The following SAMSN1 variants were observed in gnomAD, a reference collection of about 807,000 sequenced individuals.
SAMSN1 encodes the protein SAM domain, SH3 domain and nuclear localization signals 1, also known as SAM domain-containing protein SAMSN-1.
Under a neutral mutation model 42.0 loss-of-function variants are expected in SAMSN1, and 31 were observed. The ratio of observed to expected loss-of-function variants is 0.74; its 90% CI spans 0.55 to 1.00. The LOEUF is 1.00. SAMSN1 is among the 50% of genes least tolerant of loss of function. SAMSN1 has a pLI of 0.00. For synonymous variants in SAMSN1, 178 were observed against 151.9 expected (o/e 1.17, Z -1.26); for missense variants, 464 against 439.4 (o/e 1.06, Z -0.50).
At chr21:14,560,819 T>G (rs1446802298) in intron 2 of SAMSN1, among the ~76,000 whole-genome samples, 1 of 152,208 alleles carries the variant, frequency 6.6e-6, no homozygotes, top group African/African-American at 2.4e-5. Flanking sequence ...TACATTCAGC[T>G]CTACGCTATT....
In SAMSN1 at chr21:14,560,661, T is replaced by C. The variant is rs149866813; in HGVS notation, c.261+21475A>G. Among the ~76,000 whole-genome samples, 265 of 152,276 alleles carry C rather than the reference T, an allele frequency of 1.7e-3. 3 individuals carry two copies. The highest frequency in any genetic ancestry group is 6.3e-3 in the African/African-American group (260 of 41,546). The stretch of plus-strand genomic sequence containing the variant: ...GAAATTTTGAAAACTGGAAGAAAGG[T>C]ATATCTCTCTATTTCCCATCTCTAC... On this transcript the variant is annotated intron_variant, in intron 2 of 8. Coordinates refer to the SAMSN1 transcript ENST00000285670.
At chr21:14,598,707 A>C (rs1403373651) in intron 6 of SAMSN1, among the ~76,000 whole-genome samples, 2 of 152,150 alleles carry the variant, frequency 1.3e-5, no homozygotes, top group African/African-American at 2.4e-5. Context: ...TGAAGGAAAC[A>C]TGTTTGCTTA....
chr21:14,581,176 A>G (rs1459180079), intron 2 of SAMSN1, among the ~76,000 whole-genome samples: 2 of 151,840 alleles, frequency 1.3e-5, no homozygotes, highest in Non-Finnish European at 2.9e-5. Context: ...CTGCCCTCGT[A>G]TATGGAAAAC....
At chr21:14,507,672 C>T (rs148964018) in intron 5 of SAMSN1, among the ~76,000 whole-genome samples, 17 of 152,170 alleles carry the variant, frequency 1.1e-4, no homozygotes, top group African/African-American at 3.6e-4. Context: ...ATACCACCAT[C>T]GTTCTTCACA....
intron 5 of SAMSN1, among the ~76,000 whole-genome samples, chr21:14,508,738 A>G (rs56084607): frequency 0.042 from 6,462 of 152,292 alleles, 443 homozygotes; most frequent in African/African-American, 0.15. Flanking sequence ...GTCATTATAC[A>G]AAAAAGATAC....
chr21:14,605,820 ATTT>A (rs1481230072), intron 5 of SAMSN1, among the ~76,000 whole-genome samples: 1 of 144,354 alleles, frequency 6.9e-6, no homozygotes, highest in Non-Finnish European at 1.5e-5. Context: ...TTATTTATTT[ATTT>A]ATTTATTTAT....
At chr21:14,503,291 A>C (rs1264661932) in intron 5 of SAMSN1, among the ~76,000 whole-genome samples, 1 of 152,194 alleles carries the variant, frequency 6.6e-6, no homozygotes, top group Non-Finnish European at 1.5e-5. Context: ...GAAAGAGCCA[A>C]CTGCCGTATT....
chr21:14,500,816 A>G, intron 5 of SAMSN1, 81 bp from the exon 6 acceptor site: 1 of 1,097,672 alleles, frequency 9.1e-7, no homozygotes. Context: ...AAACTAGAAT[A>G]ATGAGGACAT....
chr21:14,494,092 A>G (rs573348471), intron 7 of SAMSN1, among the ~76,000 whole-genome samples: 1 of 152,352 alleles, frequency 6.6e-6, no homozygotes, highest in South Asian at 2.1e-4. Context: ...AGAAATAGGA[A>G]TGCTTTTACA....
At chr21:14,609,695 C>T (rs1018089475) in intron 4 of SAMSN1, 1 of 645,708 alleles carries the variant, frequency 1.5e-6, no homozygotes, top group Non-Finnish European at 2.8e-6. Context: ...CTTAAGAGAG[C>T]TCTAGTTCTA....
chr21:14,618,324 A>G (rs1444927922), intron 2 of SAMSN1, among the ~76,000 whole-genome samples: 1 of 152,172 alleles, frequency 6.6e-6, no homozygotes, highest in Non-Finnish European at 1.5e-5. Context: ...GGGTAGGGAG[A>G]GTCAGGCACA....
At chr21:14,512,657 T>C in intron 3 of SAMSN1, 84 bp from the exon 4 acceptor site, 1 of 1,193,150 alleles carries the variant, frequency 8.4e-7, no homozygotes, top group Non-Finnish European at 1.2e-6. Flanking sequence ...AATAGACACA[T>C]ATTTTAGCAA....
At position 14,595,832 on chromosome 21, in the gene SAMSN1, T is replaced by G. The variant is rs146830809; in HGVS notation, c.400-1754A>C. On this transcript the variant is annotated intron_variant, in intron 6 of 15. Transcript: ENST00000647101. The stretch of plus-strand genomic sequence containing the variant: ...CAGAAAACTGACAAAGTAGCTGAAG[T>G]GACTGCAACAAGTACTAAGTGGTTG... 5.2e-3 allele frequency among the ~76,000 whole-genome samples: 790 copies of G among 152,250 alleles called. 8 individuals carry two copies. Among genetic ancestry groups the G allele is most frequent in the African/African-American group, 0.017 (721 of 41,548 alleles).
At chr21:14,558,985 C>G (rs140833437) in intron 2 of SAMSN1, among the ~76,000 whole-genome samples, 1 of 152,150 alleles carries the variant, frequency 6.6e-6, no homozygotes, top group Non-Finnish European at 1.5e-5. Flanking sequence ...TCCTGCAAAG[C>G]ATTCATTGAA....
intron 2 of SAMSN1, among the ~76,000 whole-genome samples, chr21:14,573,905 C>T (rs1981381063): frequency 1.3e-5 from 2 of 152,176 alleles, no homozygotes; most frequent in African/African-American, 2.4e-5. Flanking sequence ...TTCTAACACA[C>T]CATGCTACAC....
intron 2 of SAMSN1, among the ~76,000 whole-genome samples, chr21:14,634,796 C>T (rs1031614593): frequency 2.6e-5 from 4 of 152,110 alleles, no homozygotes; most frequent in South Asian, 4.1e-4. Context: ...CCATTTGACC[C>T]GGAAATACAA....
chr21:14,630,700 T>A (rs984199452), intron 2 of SAMSN1, among the ~76,000 whole-genome samples: 10 of 152,246 alleles, frequency 6.6e-5, no homozygotes, highest in African/African-American at 2.4e-4. Context: ...ATTGGCTTGT[T>A]ATGAGTCATT....
chr21:14,615,926 A>G (rs1175138946), intron 3 of SAMSN1: 8 of 497,004 alleles, frequency 1.6e-5, no homozygotes, highest in Admixed American at 3.6e-5. Context: ...TTCACATTCA[A>G]CATTACAGAA....
intron 2 of SAMSN1, among the ~76,000 whole-genome samples, chr21:14,575,908 A>G (rs1981444182): frequency 6.6e-6 from 1 of 152,220 alleles, no homozygotes; most frequent in Non-Finnish European, 1.5e-5. Flanking sequence ...TTCAAAGTCT[A>G]CATCATGGAT....
Sources: gnomAD v4.1 joint callset for allele counts (sites outside exome capture counted in the v4.1 genomes callset) on GRCh38, gnomAD v4.1.1 for gene constraint, MANE v1.5 for transcripts, NCBI Gene and HGNC (gene_info 2026-07-23, HGNC 2026-07-21) for gene names.